MBD2: variants seen among roughly 807,000 people sequenced by gnomAD.
MBD2 encodes the protein methyl-CpG-binding domain protein 2.
A neutral mutation model predicts 39.3 loss-of-function variants in MBD2; 9 were observed. The observed-to-expected ratio is 0.23, with a 90% confidence interval of 0.14 to 0.40. MBD2 has a LOEUF of 0.40. Among genes scored for constraint, MBD2 ranks in the 10% least tolerant of loss-of-function variants. MBD2 has a pLI of 1.00. For missense variants in MBD2, 458 were observed against 532.6 expected (o/e 0.86, Z 1.38); for synonymous variants, 233 against 211.1 (o/e 1.10, Z -0.90).
At chr18:54,196,354 T>C (rs904809951) in intron 2 of MBD2, among the ~76,000 whole-genome samples, 1 of 152,308 alleles carries the variant, frequency 6.6e-6, no homozygotes, top group East Asian at 1.9e-4. Flanking sequence ...AATTCATCAA[T>C]GAAAACACGT....
intron 1 of MBD2, among the ~76,000 whole-genome samples, chr18:54,219,947 T>C (rs1331567173): frequency 6.6e-6 from 1 of 152,178 alleles, no homozygotes; most frequent in Non-Finnish European, 1.5e-5. Flanking sequence ...ACTACAGGCA[T>C]CTGCCACCAT....
chr18:54,202,757 C>G, intron 2 of MBD2: 1 of 1,455,492 alleles, frequency 6.9e-7, no homozygotes, highest in Non-Finnish European at 9.1e-7. Flanking sequence ...GATGGTAAAT[C>G]AAATAAACAT....
At chr18:54,160,988 T>C (rs2086093362) in intron 5 of MBD2, among the ~76,000 whole-genome samples, 1 of 146,894 alleles carries the variant, frequency 6.8e-6, no homozygotes, top group African/African-American at 2.5e-5. Context: ...AAAAAAAAAG[T>C]AATTTTCTCT....
chr18:54,202,111 G>T (rs1053304279), intron 2 of MBD2, among the ~76,000 whole-genome samples: 1 of 152,164 alleles, frequency 6.6e-6, no homozygotes, highest in African/African-American at 2.4e-5. Flanking sequence ...GGGAGGCTGA[G>T]GTGGGTGGAT....
intron 2 of MBD2, among the ~76,000 whole-genome samples, chr18:54,198,655 G>C (rs2086383698): frequency 6.6e-6 from 1 of 152,206 alleles, no homozygotes; most frequent in South Asian, 2.1e-4. Context: ...AAGGCTGCGT[G>C]AACTGTGATT....
chr18:54,207,249 GT>G (rs2086457976), intron 1 of MBD2, among the ~76,000 whole-genome samples: 2 of 152,090 alleles, frequency 1.3e-5, no homozygotes, highest in South Asian at 4.1e-4. Context: ...TTCCAGTCAT[GT>G]CTTTCCAGAT....
rs192754936 is a variant in MBD2 at position 54,156,868 on chromosome 18, A to T, written c.*13-1557T>A. 9.3e-4 allele frequency among the ~76,000 whole-genome samples: 142 copies of T among 152,204 alleles called. 1 individual carries two copies. Among genetic ancestry groups the T allele is most frequent in the South Asian group, 2.1e-3 (10 of 4,824 alleles). ...AACTCCATCTCAAAAATAATAATAA[A>T]AAAAAAGGAAACAGAAGTCTAGTAA... On this transcript the variant is annotated intron_variant, in intron 6 of 6. Transcript: ENST00000256429.
At chr18:54,177,723 G>A (rs2086222207) in intron 3 of MBD2, among the ~76,000 whole-genome samples, 1 of 150,650 alleles carries the variant, frequency 6.6e-6, no homozygotes, top group Non-Finnish European at 1.5e-5. Context: ...CTCGTTATCC[G>A]CCCGCCTCAG....
intron 1 of MBD2, among the ~76,000 whole-genome samples, chr18:54,219,053 C>G (rs756469257): frequency 6.6e-6 from 1 of 151,860 alleles, no homozygotes; most frequent in Non-Finnish European, 1.5e-5. Flanking sequence ...AGCTGTAACA[C>G]AAATACACAT....
At chr18:54,196,036 C>T (rs886818007) in intron 2 of MBD2, among the ~76,000 whole-genome samples, 1 of 152,170 alleles carries the variant, frequency 6.6e-6, no homozygotes, top group Non-Finnish European at 1.5e-5. Context: ...AAGTGCCTTA[C>T]AATTCTTCGT....
rs1416443991 is a variant in MBD2, at chr18:54,159,475, T to C, written c.*12+290A>G. 2.0e-5 allele frequency among the ~76,000 whole-genome samples: 3 copies of C among 151,846 alleles called. No homozygotes were observed. In the East Asian group the frequency reaches 5.8e-4, roughly 29 times the overall value. ...CTCTGTCACCCAGGTTGGAGAACAGTAGCACAATTTTGGCTCACTGAAATT... is the reference window on the plus strand; with the variant it reads ...CTCTGTCACCCAGGTTGGAGAACAGCAGCACAATTTTGGCTCACTGAAATT... On this transcript the variant is annotated intron_variant, in intron 6 of 6. Coordinates refer to ENST00000256429, the MANE Select transcript of MBD2 (RefSeq NM_003927.5).
chr18:54,214,742 CTTTTT>C (rs1009315641), intron 1 of MBD2, among the ~76,000 whole-genome samples: 1 of 69,830 alleles, frequency 1.4e-5, no homozygotes, highest in Non-Finnish European at 2.9e-5. Context: ...TTTTAGAATT[CTTTTT>C]TTTTTTTTTT....
At position 54,224,450 on chromosome 18, in the gene MBD2, T is replaced by C. The variant is rs1035321158; in HGVS notation, c.110A>G (p.Gln37Arg). 3 of 1,236,846 alleles carry C rather than the reference T, an allele frequency of 2.4e-6. No homozygotes were observed. The highest frequency in any genetic ancestry group is 3.6e-5 in the South Asian group (1 of 27,674). 76.6% of individuals were successfully genotyped at this position (1,236,846 alleles called of 1,614,324 possible). Residue 37 changes from glutamine to arginine, a missense_variant, in exon 1 of 7, where the codon CAG becomes CGG. Gln to Arg is a conservative substitution (Grantham distance 43). Around this residue, in one of 2 missense-constraint regions of MBD2, gnomAD observed 269 missense variants for 236.0 expected, o/e 1.14. Transcript: ENST00000256429. ...GGDSAIEQGG[Q>R]GSALAPSPVS... The stretch of plus-strand genomic sequence containing the variant: ...CGGGGACGGGGCGAGCGCGCTGCCC[T>C]GGCCCCCCTGCTCTATGGCGGAGTC...
At chr18:54,166,643 A>G (rs1315285384) in intron 3 of MBD2, among the ~76,000 whole-genome samples, 2 of 152,194 alleles carry the variant, frequency 1.3e-5, no homozygotes, top group African/African-American at 2.4e-5. Flanking sequence ...GCACACTTTA[A>G]GGGAGAAAAG....
At chr18:54,216,348 G>A (rs552890829) in intron 1 of MBD2, among the ~76,000 whole-genome samples, 1 of 152,308 alleles carries the variant, frequency 6.6e-6, no homozygotes, top group South Asian at 2.1e-4. Flanking sequence ...TCAGGCCTAT[G>A]TATACAGCCA....
chr18:54,214,376 T>C (rs2086537785), intron 1 of MBD2, among the ~76,000 whole-genome samples: 1 of 152,022 alleles, frequency 6.6e-6, no homozygotes, highest in South Asian at 2.1e-4. Context: ...TTAAAAATTT[T>C]TTGTAGGGAC....
At chr18:54,211,388 T>TACACAC (rs113321648) in intron 1 of MBD2, among the ~76,000 whole-genome samples, 7,818 of 148,158 alleles carry the variant, frequency 0.053, 315 homozygotes, top group East Asian at 0.21. Context: ...ATTATTGCTA[T>TACACAC]ACACACACAC....
intron 2 of MBD2, among the ~76,000 whole-genome samples, chr18:54,192,978 A>AT (rs1332052701): frequency 1.3e-5 from 2 of 152,126 alleles, no homozygotes; most frequent in Non-Finnish European, 2.9e-5. Context: ...GGTTTTTAGT[A>AT]TTTTTTCTCC....
At chr18:54,219,445 A>T (rs988130029) in intron 1 of MBD2, among the ~76,000 whole-genome samples, 6 of 152,224 alleles carry the variant, frequency 3.9e-5, no homozygotes, top group African/African-American at 7.2e-5. Flanking sequence ...GAGGGGAAAG[A>T]CAGCTATGTG....
Sources: allele counts gnomAD v4.1 joint callset (sites outside exome capture counted in the v4.1 genomes callset), GRCh38; gene constraint gnomAD v4.1.1; regional missense constraint gnomAD v4.1.1; transcripts MANE v1.5; gene names NCBI Gene and HGNC (gene_info 2026-07-23, HGNC 2026-07-21).